TBC1D4: variants seen among roughly 807,000 people sequenced by gnomAD.
TBC1D4 encodes TBC1 domain family member 4.
A neutral mutation model predicts 142.5 loss-of-function variants in TBC1D4; 121 were observed. The observed-to-expected ratio is 0.85, with a 90% CI of 0.73 to 0.99. The LOEUF (loss-of-function observed/expected upper bound fraction) is 0.99. Ranked by LOEUF, TBC1D4 falls within the 50% of genes least tolerant of loss-of-function variation. TBC1D4 has a pLI of 0.00. For missense variants in TBC1D4, 1,475 were observed against 1,606.6 expected (o/e 0.92, Z 1.40); for synonymous variants, 630 against 628.2 (o/e 1.00, Z -0.04).
intron 1 of TBC1D4, among the ~76,000 whole-genome samples, chr13:75,452,018 T>C (rs1887553690): frequency 6.6e-6 from 1 of 152,076 alleles, no homozygotes. Context: ...AGTGAGTAAA[T>C]TTCTTTTGGA....
At chr13:75,386,335 T>C (rs1218415532) in intron 1 of TBC1D4, among the ~76,000 whole-genome samples, 1 of 152,080 alleles carries the variant, frequency 6.6e-6, no homozygotes, top group Non-Finnish European at 1.5e-5. Context: ...TAAAAATGCA[T>C]GTTGTAAAAT....
chr13:75,399,108 G>A (rs541247075), intron 1 of TBC1D4, among the ~76,000 whole-genome samples: 238 of 152,260 alleles, frequency 1.6e-3, no homozygotes, highest in African/African-American at 5.5e-3. Context: ...TTGGGAGGCC[G>A]AGGCAGGCGG....
chr13:75,416,420 G>C (rs1010069178), intron 1 of TBC1D4, among the ~76,000 whole-genome samples: 3 of 152,058 alleles, frequency 2.0e-5, no homozygotes, highest in Admixed American at 6.6e-5. Flanking sequence ...AATATGTATT[G>C]AACAACTGAG....
intron 8 of TBC1D4, among the ~76,000 whole-genome samples, chr13:75,328,423 C>T (rs557914849): frequency 6.6e-6 from 1 of 152,018 alleles, no homozygotes; most frequent in Non-Finnish European, 1.5e-5. Context: ...TTCACATAGT[C>T]CTTTGGTGTG....
chr13:75,301,630 G>A (rs900765295), intron 16 of TBC1D4, among the ~76,000 whole-genome samples: 2 of 150,948 alleles, frequency 1.3e-5, no homozygotes, highest in African/African-American at 4.9e-5. Flanking sequence ...GGGCAACAGA[G>A]GGAGACTCCA....
chr13:75,338,224 T>C (rs1880386771), intron 7 of TBC1D4, among the ~76,000 whole-genome samples: 1 of 150,560 alleles, frequency 6.6e-6, no homozygotes, highest in Admixed American at 6.6e-5. Context: ...TAGCACCAGC[T>C]CCATCAAATC....
chr13:75,396,798 T>C lies in TBC1D4; in HGVS notation c.499-34191A>G, dbSNP rs192152029. 3.1e-3 allele frequency among the ~76,000 whole-genome samples: 466 copies of C among 152,272 alleles called. 3 individuals carry two copies. Among genetic ancestry groups the C allele is most frequent in the Middle Eastern group, 0.01 (3 of 294 alleles). On this transcript the variant is annotated intron_variant, in intron 1 of 20. Transcript: ENST00000377636. ...ACAGCATCCTTAGGGAACAACATTC[T>C]GAGCACTTGAGTATTTCTTTGCCTA...
chr13:75,401,929 T>C (rs760645303), intron 1 of TBC1D4, among the ~76,000 whole-genome samples: 1 of 152,226 alleles, frequency 6.6e-6, no homozygotes, highest in Admixed American at 6.5e-5. Flanking sequence ...TGAGGAATTA[T>C]TCAAATCATG....
In TBC1D4 at chr13:75,412,426, G is replaced by A. The variant is rs573586621; in HGVS notation, c.499-49819C>T. On this transcript the variant is annotated intron_variant, in intron 1 of 20. Coordinates refer to ENST00000377636, the MANE Select transcript of TBC1D4 (RefSeq NM_014832.5). Reference sequence around the variant, plus strand: ...GGTTCCTGAGTAGCTGGGATCACAGGCACATGCTTACACACACGCATGCAC... The same window carrying A: ...GGTTCCTGAGTAGCTGGGATCACAGACACATGCTTACACACACGCATGCAC... Among the ~76,000 whole-genome samples, 111 of 152,120 alleles carry A rather than the reference G, an allele frequency of 7.3e-4. 2 individuals carry two copies. The South Asian group carries it at 0.022, about 30-fold the overall frequency.
intron 1 of TBC1D4, among the ~76,000 whole-genome samples, chr13:75,382,145 TC>T (rs1330891332): frequency 6.6e-6 from 1 of 152,152 alleles, no homozygotes; most frequent in African/African-American, 2.4e-5. Context: ...CCTCTCTCCT[TC>T]CCCTTGGCTC....
rs146437348 is a variant in TBC1D4 at position 75,382,142 on chromosome 13, C to A, written c.499-19535G>T. Among the ~76,000 whole-genome samples, 129 of 152,296 alleles carry A rather than the reference C, an allele frequency of 8.5e-4. 1 individual carries two copies. Among genetic ancestry groups the A allele is most frequent in the African/African-American group, 2.8e-3 (118 of 41,560 alleles). On this transcript the variant is annotated intron_variant, in intron 1 of 20. Transcript: ENST00000377636. ...TAATATCCTCACCTCCAGCCTCTCT[C>A]CTTCCCCTTGGCTCTCAAATCCACC...
intron 5 of TBC1D4, among the ~76,000 whole-genome samples, chr13:75,348,939 T>TAGAGAGAG (rs755430210): frequency 1.5e-4 from 20 of 131,220 alleles, no homozygotes; most frequent in African/African-American, 5.8e-4. Flanking sequence ...GGAGAGAGAG[T>TAGAGAGAG]AGAGAGAGAG....
chr13:75,448,908 T>C (rs1887411140), intron 1 of TBC1D4, among the ~76,000 whole-genome samples: 1 of 152,112 alleles, frequency 6.6e-6, no homozygotes, highest in African/African-American at 2.4e-5. Flanking sequence ...TTTGAAATTA[T>C]AGCAGATTAT....
chr13:75,465,588 C>T (rs543859064), intron 1 of TBC1D4, among the ~76,000 whole-genome samples: 6 of 152,296 alleles, frequency 3.9e-5, no homozygotes, highest in African/African-American at 1.4e-4. Context: ...AAAAATAGAA[C>T]TCTAAGCCCC....
At chr13:75,454,073 G>A (rs924891519) in intron 1 of TBC1D4, among the ~76,000 whole-genome samples, 4 of 149,246 alleles carry the variant, frequency 2.7e-5, no homozygotes, top group African/African-American at 9.9e-5. Flanking sequence ...TTAGGCTGAA[G>A]TGCAGTGGTA....
intron 17 of TBC1D4, among the ~76,000 whole-genome samples, chr13:75,297,772 C>CGATAAAAA (rs1482831276): frequency 7.5e-6 from 1 of 133,184 alleles, no homozygotes; most frequent in African/African-American, 3.3e-5. Context: ...AAAAAAAAAA[C>CGATAAAAA]GATAAAAAGA....
Position 75,329,041 on chromosome 13 carries a change from T to G in TBC1D4, c.1732-1215A>C, listed in dbSNP as rs373007185. The stretch of plus-strand genomic sequence containing the variant: ...TAAGCTTTCCATTTTAGGAAGTATC[T>G]ATTGACTTCCTAACTCTGGAAGATG... On this transcript the variant is annotated intron_variant, in intron 8 of 20. Coordinates refer to ENST00000377636, the MANE Select transcript of TBC1D4 (RefSeq NM_014832.5). Among the ~76,000 whole-genome samples, 61 of 152,234 alleles carry G rather than the reference T, an allele frequency of 4.0e-4. 1 individual carries two copies. In the East Asian group the frequency reaches 0.011, roughly 29 times the overall value.
At chr13:75,369,646 A>G (rs1883117640) in intron 1 of TBC1D4, among the ~76,000 whole-genome samples, 1 of 152,214 alleles carries the variant, frequency 6.6e-6, no homozygotes, top group South Asian at 2.1e-4. Flanking sequence ...TTATCTACAG[A>G]AAAGATATGA....
At chr13:75,471,171 A>C (rs575499389) in intron 1 of TBC1D4, among the ~76,000 whole-genome samples, 61 of 151,974 alleles carry the variant, frequency 4.0e-4, no homozygotes, top group Non-Finnish European at 1.5e-4. Context: ...ATATATATAT[A>C]TCTCCAACCT....
Sources: allele counts gnomAD v4.1 joint callset (sites outside exome capture counted in the v4.1 genomes callset), GRCh38; gene constraint gnomAD v4.1.1; transcripts MANE v1.5; gene names NCBI Gene and HGNC (gene_info 2026-07-23, HGNC 2026-07-21).